The following F8 variants were observed in gnomAD, a reference collection of about 807,000 sequenced individuals.
F8 encodes the protein antihemophilic factor.
A neutral mutation model predicts 140.6 loss-of-function variants in F8; 12 were observed. The observed-to-expected ratio is 0.09, with a 90% CI of 0.05 to 0.14. The LOEUF is 0.14. Ranked by LOEUF, F8 falls within the 10% of genes least tolerant of loss-of-function variation. The probability of loss-of-function intolerance (pLI) is 1.00; values close to 1 mark genes in which losing one functional copy is unlikely to be tolerated. For synonymous variants in F8, 585 were observed against 614.6 expected (o/e 0.95, Z 0.71); for missense variants, 1,354 against 1,720.7 (o/e 0.79, Z 3.77).
At chrX:155,009,490 A>C (rs1361031181) in intron 1 of F8, among the ~76,000 whole-genome samples, 1 of 111,205 alleles carries the variant, frequency 9.0e-6, no homozygotes, top group Admixed American at 9.6e-5. Context: ...TAATCCCAGC[A>C]CTTTGGGAGG....
intron 13 of F8, among the ~76,000 whole-genome samples, chrX:154,939,014 T>C (rs1459988458): frequency 1.8e-5 from 2 of 110,879 alleles, no homozygotes; most frequent in Non-Finnish European, 3.8e-5. Flanking sequence ...TGAAGTCACG[T>C]TGTTTGAAGG....
intron 10 of F8, among the ~76,000 whole-genome samples, chrX:154,958,651 T>C (rs1480332053): frequency 8.9e-6 from 1 of 112,117 alleles, no homozygotes; most frequent in Non-Finnish European, 1.9e-5. Flanking sequence ...TCTTGCTCTG[T>C]TGCCCAGGCT....
chrX:154,848,262 G>T (rs1441520221), intron 25 of F8, among the ~76,000 whole-genome samples: 1 of 112,647 alleles, frequency 8.9e-6, no homozygotes, highest in African/African-American at 3.2e-5. Context: ...CAGTCTGTCC[G>T]TTCTCAGATC....
At chrX:155,020,292 A>C (rs1557287388) in intron 1 of F8, among the ~76,000 whole-genome samples, 1 of 112,511 alleles carries the variant, frequency 8.9e-6, no homozygotes, top group Non-Finnish European at 1.9e-5. Flanking sequence ...AAAAGGTGCC[A>C]TCACAATAGG....
chrX:154,852,211 A>G (rs1260388988), intron 25 of F8, among the ~76,000 whole-genome samples: 1 of 110,700 alleles, frequency 9.0e-6, no homozygotes, highest in Non-Finnish European at 1.9e-5. Flanking sequence ...CTGGGACTAC[A>G]GGTGTGTACC....
Position 154,996,620 on chromosome X carries a change from C to A in F8, c.388+353G>T, listed in dbSNP as rs28370203. ...ACTGCTATGGCTAGGGAGGCATGGGCTTTAAGAAAATGGCAGGTTCTGTTT... is the reference window on the plus strand; with the variant it reads ...ACTGCTATGGCTAGGGAGGCATGGGATTTAAGAAAATGGCAGGTTCTGTTT... On this transcript the variant is annotated intron_variant, in intron 3 of 25. Transcript: ENST00000360256. 7.8e-3 allele frequency among the ~76,000 whole-genome samples: 872 copies of A among 111,296 alleles called. 10 individuals are homozygous for A. The highest frequency in any genetic ancestry group is 0.026 in the African/African-American group (795 of 30,576).
intron 21 of F8, chrX:154,897,769 T>C (rs2072989638): frequency 8.9e-6 from 1 of 112,632 alleles, no homozygotes; most frequent in Non-Finnish European, 1.9e-5. Context: ...TATTGTATTT[T>C]CCAGCAGCCT....
At chrX:154,935,123 C>T (rs781820721) in intron 13 of F8, among the ~76,000 whole-genome samples, 1 of 110,940 alleles carries the variant, frequency 9.0e-6, no homozygotes, top group South Asian at 3.9e-4. Context: ...GATCACACCA[C>T]TTACTCCACC....
intron 6 of F8, among the ~76,000 whole-genome samples, chrX:154,975,007 CT>C (rs782711193): frequency 1.5e-4 from 17 of 110,757 alleles, no homozygotes; most frequent in East Asian, 2.8e-4. Flanking sequence ...AGTTTATTGA[CT>C]TTTTTTTATC....
At chrX:154,915,231 C>T (rs2073089835) in intron 14 of F8, among the ~76,000 whole-genome samples, 1 of 111,670 alleles carries the variant, frequency 9.0e-6, no homozygotes, top group Non-Finnish European at 1.9e-5. Flanking sequence ...CCCACTGGGT[C>T]CCTCCCACGA....
At chrX:154,967,854 T>A (rs1383105846) in intron 7 of F8, among the ~76,000 whole-genome samples, 1 of 111,566 alleles carries the variant, frequency 9.0e-6, no homozygotes, top group Non-Finnish European at 1.9e-5. Flanking sequence ...ATAAATATTA[T>A]GTGACACATG....
At chrX:154,897,381 C>A (rs2072987556) in intron 21 of F8, among the ~76,000 whole-genome samples, 1 of 112,656 alleles carries the variant, frequency 8.9e-6, no homozygotes, top group African/African-American at 3.2e-5. Context: ...TTGCTATGTG[C>A]CAAGCACTGT....
chrX:154,930,603 G>A lies in F8; in HGVS notation c.3187C>T (p.Pro1063Ser), dbSNP rs782060329. 2 of 1,209,163 alleles carry A rather than the reference G, an allele frequency of 1.7e-6. No individual in the cohort carries two copies. The highest frequency in any genetic ancestry group is 5.9e-5 in the East Asian group (2 of 33,846). ...ESDTEFKKVT[P>S]LIHDRMLMDK... ...ATAAGCATTCTGTCATGAATCAAAGGTGTCACTTTTTTAAACTCAGTGTCA... is the reference window on the plus strand; with the variant it reads ...ATAAGCATTCTGTCATGAATCAAAGATGTCACTTTTTTAAACTCAGTGTCA... Residue 1063 changes from proline (P) to serine (S), a missense_variant, in exon 14 of 26, where the codon CCT becomes TCT. By Grantham distance (74) the Pro-to-Ser change is moderately conservative. This residue lies in a region of F8 where 658 missense variants were observed against 666.5 expected (regional missense o/e 0.99). Coordinates refer to ENST00000360256, the MANE Select transcript of F8 (RefSeq NM_000132.4).
At chrX:154,959,258 C>T (rs1345019490) in intron 10 of F8, among the ~76,000 whole-genome samples, 2 of 110,580 alleles carry the variant, frequency 1.8e-5, no homozygotes, top group Admixed American at 9.6e-5. Context: ...TGGTAGTGTG[C>T]GTCTGTGGTC....
At position 154,930,132 on chromosome X, in the gene F8, T is replaced by C; in HGVS notation, c.3658A>G (p.Lys1220Glu). 1 of 1,208,899 alleles carries C rather than the reference T, an allele frequency of 8.3e-7. No individual in the cohort carries two copies. Among genetic ancestry groups the C allele is most frequent in the Non-Finnish European group, 1.1e-6 (1 of 893,780 alleles). Residue 1220 changes from lysine to glutamate, a missense_variant, in exon 14 of 26, where the codon AAG (lysine) becomes GAG (glutamate). Lys to Glu is a moderately conservative substitution (Grantham distance 56). Around this residue, in one of 4 missense-constraint regions of F8, gnomAD observed 658 missense variants for 666.5 expected, o/e 0.99. Transcript: ENST00000360256. ...EKKIQEEIEK[K>E]ETLIQENVVL... ...ACATTCTCTTGGATTAATGTTTCCT[T>C]CTTTTCTATTTCTTCCTGAATTTTT...
chrX:154,964,839 G>A (rs1451969842), intron 9 of F8, among the ~76,000 whole-genome samples: 3 of 110,921 alleles, frequency 2.7e-5, no homozygotes, highest in African/African-American at 9.8e-5. Context: ...AAAGATAGGA[G>A]GTTTTGACTA....
intron 1 of F8, among the ~76,000 whole-genome samples, chrX:155,019,497 A>C (rs1286410673): frequency 9.0e-6 from 1 of 111,612 alleles, no homozygotes. Context: ...GCTAGATTTA[A>C]GATGAATATA....
At chrX:155,014,649 C>T (rs1368398298) in intron 1 of F8, among the ~76,000 whole-genome samples, 3 of 111,886 alleles carry the variant, frequency 2.7e-5, no homozygotes, top group Non-Finnish European at 3.8e-5. Flanking sequence ...GATTGGAAAA[C>T]GAAAACAAAT....
intron 13 of F8, among the ~76,000 whole-genome samples, chrX:154,943,701 G>A (rs936075476): frequency 3.8e-4 from 42 of 111,468 alleles, no homozygotes; most frequent in African/African-American, 1.3e-3. Context: ...AAAAGAGCCC[G>A]CATCGCCAAG....
Sources: allele counts gnomAD v4.1 joint callset (sites outside exome capture counted in the v4.1 genomes callset), GRCh38; gene constraint gnomAD v4.1.1; regional missense constraint gnomAD v4.1.1; transcripts MANE v1.5; gene names NCBI Gene and HGNC (gene_info 2026-07-23, HGNC 2026-07-21).